CSNK1G1: variants seen among roughly 807,000 people sequenced by gnomAD.
CSNK1G1 encodes casein kinase I isoform gamma-1.
CSNK1G1 carries 22 observed loss-of-function variants against 59.6 expected under a neutral mutation model. The ratio of observed to expected loss-of-function variants is 0.37; its 90% CI spans 0.26 to 0.53. The LOEUF is 0.53. CSNK1G1 is among the 20% of genes least tolerant of loss of function. The pLI is 0.89. For synonymous variants in CSNK1G1, 179 were observed against 177.1 expected (o/e 1.01, Z -0.08); for missense variants, 384 against 519.5 (o/e 0.74, Z 2.54).
intron 2 of CSNK1G1, among the ~76,000 whole-genome samples, chr15:64,285,316 T>C (rs1425869369): frequency 6.6e-6 from 1 of 152,188 alleles, no homozygotes; most frequent in Admixed American, 6.5e-5. Flanking sequence ...CACACATACC[T>C]GAACAAAGTC....
At chr15:64,232,156 C>A (rs1298253783) in intron 4 of CSNK1G1, among the ~76,000 whole-genome samples, 3 of 152,136 alleles carry the variant, frequency 2.0e-5, no homozygotes, top group Non-Finnish European at 4.4e-5. Context: ...CTGCTGAAAG[C>A]ACAAGAATGC....
At chr15:64,194,514 TTTC>T (rs2082014552) in intron 10 of CSNK1G1, among the ~76,000 whole-genome samples, 1 of 145,778 alleles carries the variant, frequency 6.9e-6, no homozygotes, top group East Asian at 1.9e-4. Flanking sequence ...TTTCTTTTCT[TTTC>T]TTTTTTTTTT....
intron 1 of CSNK1G1, among the ~76,000 whole-genome samples, chr15:64,309,806 T>G (rs1423337235): frequency 2.0e-5 from 3 of 152,168 alleles, no homozygotes; most frequent in Non-Finnish European, 2.9e-5. Context: ...AGATGAAAAC[T>G]TATGGCCAAT....
intron 2 of CSNK1G1, among the ~76,000 whole-genome samples, chr15:64,286,078 C>T (rs1894393867): frequency 6.6e-6 from 1 of 152,140 alleles, no homozygotes; most frequent in South Asian, 2.1e-4. Flanking sequence ...CACCTCCATG[C>T]CTTTTGTATG....
At chr15:64,290,566 C>A (rs1005229761) in intron 2 of CSNK1G1, among the ~76,000 whole-genome samples, 1 of 151,882 alleles carries the variant, frequency 6.6e-6, no homozygotes, top group African/African-American at 2.4e-5. Flanking sequence ...ATAATAGACA[C>A]TGAAGACTTA....
At chr15:64,208,759 C>T (rs751021254) in intron 6 of CSNK1G1, among the ~76,000 whole-genome samples, 7 of 152,164 alleles carry the variant, frequency 4.6e-5, no homozygotes, top group South Asian at 2.1e-4. Flanking sequence ...TGGTCTCAAA[C>T]TCCTGGCCTC....
intron 10 of CSNK1G1, chr15:64,181,087 G>A: frequency 7.5e-7 from 1 of 1,328,272 alleles, no homozygotes; most frequent in Non-Finnish European, 9.9e-7. Flanking sequence ...TCATGGCTTT[G>A]AGCACTGGTT....
chr15:64,169,425 G>A lies in CSNK1G1; in HGVS notation c.*2506C>T, dbSNP rs1187050908. On this transcript the variant is annotated 3_prime_UTR_variant, in exon 12 of 12. Transcript: ENST00000303052. The stretch of plus-strand genomic sequence containing the variant: ...TTTTTGTATTTTTTGTAGAGACGGG[G>A]TTTCACCATGTTGGCCAGGCTGGTC... 1 of 152,176 alleles carries A rather than the reference G, an allele frequency of 6.6e-6. No homozygotes were observed. Among genetic ancestry groups the A allele is most frequent in the Non-Finnish European group, 1.5e-5 (1 of 68,120 alleles). 9.4% of individuals were successfully genotyped at this position (152,176 alleles called of 1,614,324 possible). A position where few individuals can be genotyped will look rare whatever the true frequency, so the allele number is the denominator to read the frequency against.
At chr15:64,317,594 G>C (rs188810477) in intron 1 of CSNK1G1, among the ~76,000 whole-genome samples, 1 of 150,346 alleles carries the variant, frequency 6.7e-6, no homozygotes, top group African/African-American at 2.4e-5. Flanking sequence ...GTTTTCAACA[G>C]GGTTTCGTTG....
chr15:64,290,345 T>TACAC (rs58767502), intron 2 of CSNK1G1, among the ~76,000 whole-genome samples: 5,555 of 150,270 alleles, frequency 0.037, 278 homozygotes, highest in African/African-American at 0.12. Context: ...ACACACATTT[T>TACAC]ACACACACAC....
At chr15:64,286,020 C>G (rs546489594) in intron 2 of CSNK1G1, among the ~76,000 whole-genome samples, 1 of 152,262 alleles carries the variant, frequency 6.6e-6, no homozygotes, top group South Asian at 2.1e-4. Context: ...CTTAAGTCAC[C>G]CATGCTTTCC....
intron 7 of CSNK1G1, among the ~76,000 whole-genome samples, chr15:64,205,416 C>A (rs1055705811): frequency 6.6e-6 from 1 of 152,114 alleles, no homozygotes; most frequent in African/African-American, 2.4e-5. Flanking sequence ...AAAACAATAA[C>A]TGAAAAATGT....
At chr15:64,348,704 C>T (rs1898110993) in intron 1 of CSNK1G1, among the ~76,000 whole-genome samples, 1 of 152,080 alleles carries the variant, frequency 6.6e-6, no homozygotes, top group African/African-American at 2.4e-5. Flanking sequence ...TTGATCACAG[C>T]TGTGGTTAGC....
Position 64,216,067 on chromosome 15 carries a change from ACTT to A in CSNK1G1, c.444+492_444+494del, listed in dbSNP as rs2082307861. Among the ~76,000 whole-genome samples the A allele has an allele frequency of 1.3e-5, 2 of 150,794 alleles. No homozygotes were observed. The highest frequency in any genetic ancestry group is 4.2e-4 in the South Asian group (2 of 4,782). On this transcript the variant is annotated intron_variant, in intron 5 of 11. Transcript: ENST00000303052. The surrounding 1 kb of genome is among the most constrained non-coding windows in gnomAD (Gnocchi z 4.6). ...CATAGTGGGAGTCTGTCTCCAAAAC[ACTT>A]TTTTTTTTTTAAATGAGCTGGCATG... is the stretch of plus-strand genomic sequence containing the variant.
intron 10 of CSNK1G1, among the ~76,000 whole-genome samples, chr15:64,197,866 C>T (rs1007023951): frequency 6.6e-6 from 1 of 152,128 alleles, no homozygotes; most frequent in African/African-American, 2.4e-5. Context: ...CTAGCCTTGT[C>T]TCCTAGGACT....
At chr15:64,234,455 C>G (rs949212256) in intron 4 of CSNK1G1, among the ~76,000 whole-genome samples, 1 of 152,112 alleles carries the variant, frequency 6.6e-6, no homozygotes, top group Non-Finnish European at 1.5e-5. Flanking sequence ...GATGAGCTAC[C>G]TCACTTAACA....
At chr15:64,181,003 A>C (rs957637525) in intron 10 of CSNK1G1, among the ~76,000 whole-genome samples, 4 of 152,256 alleles carry the variant, frequency 2.6e-5, no homozygotes, top group African/African-American at 9.6e-5. Context: ...ATGTTGAAAG[A>C]AAAAGTTCTA....
chr15:64,306,219 G>A (rs1186868295), intron 1 of CSNK1G1, among the ~76,000 whole-genome samples: 1 of 152,154 alleles, frequency 6.6e-6, no homozygotes, highest in Non-Finnish European at 1.5e-5. Context: ...CACTGATTAG[G>A]AGAAAATATT....
chr15:64,222,456 AAAAGAG>A (rs2082402914), intron 4 of CSNK1G1, among the ~76,000 whole-genome samples: 2 of 151,098 alleles, frequency 1.3e-5, no homozygotes, highest in African/African-American at 4.9e-5. Context: ...AAAAAAAAAA[AAAAGAG>A]GAGGGGGTTT....
Sources: gnomAD v4.1 joint callset for allele counts (sites outside exome capture counted in the v4.1 genomes callset) on GRCh38, gnomAD v4.1.1 for gene constraint, Gnocchi (gnomAD v3.1) non-coding constraint, MANE v1.5 for transcripts, NCBI Gene and HGNC (gene_info 2026-07-23, HGNC 2026-07-21) for gene names.